The following NT5C2 variants were observed in gnomAD, a reference collection of about 807,000 sequenced individuals.
NT5C2 encodes cytosolic purine 5'-nucleotidase.
A neutral mutation model predicts 76.1 loss-of-function variants in NT5C2; 58 were observed. The ratio of observed to expected loss-of-function variants is 0.76; its 90% CI spans 0.62 to 0.95. The LOEUF is 0.95. Among genes scored for constraint, NT5C2 ranks in the 40% least tolerant of loss-of-function variants. The probability of loss-of-function intolerance (pLI) is 0.00; values close to 1 mark genes in which losing one functional copy is unlikely to be tolerated. For missense variants in NT5C2, 478 were observed against 690.3 expected (o/e 0.69, Z 3.45); for synonymous variants, 229 against 237.4 (o/e 0.96, Z 0.32).
At chr10:103,144,249 C>G (rs1227531377) in intron 3 of NT5C2, among the ~76,000 whole-genome samples, 1 of 152,148 alleles carries the variant, frequency 6.6e-6, no homozygotes, top group Non-Finnish European at 1.5e-5. Context: ...CTAAAATATT[C>G]TATGGGAATA....
At chr10:103,188,616 T>C (rs1026177400) in intron 1 of NT5C2, among the ~76,000 whole-genome samples, 6 of 152,168 alleles carry the variant, frequency 3.9e-5, no homozygotes, top group African/African-American at 1.2e-4. Context: ...TAGAAACAGA[T>C]TTATGGGTCC....
intron 8 of NT5C2, chr10:103,100,527 A>G (rs912843202): frequency 1.6e-5 from 6 of 370,594 alleles, no homozygotes; most frequent in Non-Finnish European, 3.2e-5. Flanking sequence ...CTAAACTTTC[A>G]GTATTGGCTA....
At chr10:103,093,026 G>T in intron 15 of NT5C2, 113 bp downstream of exon 15, 1 of 789,218 alleles carries the variant, frequency 1.3e-6, no homozygotes, top group Non-Finnish European at 1.9e-6. Flanking sequence ...ATCAAGGCCT[G>T]CCTTTTGACC....
chr10:103,135,670 C>A (rs191292642), intron 4 of NT5C2, among the ~76,000 whole-genome samples: 106 of 152,206 alleles, frequency 7.0e-4, no homozygotes, highest in Admixed American at 3.4e-3. Flanking sequence ...CACCTGTAAT[C>A]CCAGCTACTC....
In NT5C2 at chr10:103,090,604, A is replaced by G. The variant is rs1455614593; in HGVS notation, c.1449+7T>C. 3 of 1,611,068 alleles carry G rather than the reference A, an allele frequency of 1.9e-6. No individual in the cohort carries two copies. The highest frequency in any genetic ancestry group is 2.5e-6 in the Non-Finnish European group (3 of 1,178,448). On this transcript the variant is annotated splice_region_variant and intron_variant, in intron 18 of 18. Transcript: ENST00000404739. ...CATCTTGGCTGTCCATTACAGCTTTAACTCACCAAGACATGGGCAGCCCTG... is the reference window on the plus strand; with the variant it reads ...CATCTTGGCTGTCCATTACAGCTTTGACTCACCAAGACATGGGCAGCCCTG...
intron 4 of NT5C2, among the ~76,000 whole-genome samples, chr10:103,133,013 C>CA (rs1463251243): frequency 6.6e-6 from 1 of 152,190 alleles, no homozygotes; most frequent in African/African-American, 2.4e-5. Context: ...GCTATGTCCC[C>CA]ACCCAAATGT....
intron 1 of NT5C2, among the ~76,000 whole-genome samples, chr10:103,189,736 T>C (rs1379521455): frequency 1.3e-5 from 2 of 151,434 alleles, no homozygotes; most frequent in African/African-American, 4.8e-5. Flanking sequence ...TGGCACGATA[T>C]AGGCTCACTG....
At chr10:103,169,006 T>G (rs981884940) in intron 3 of NT5C2, among the ~76,000 whole-genome samples, 7 of 136,594 alleles carry the variant, frequency 5.1e-5, no homozygotes, top group Non-Finnish European at 1.6e-5. Context: ...TTCTAAATGG[T>G]TTCTATTTAA....
At chr10:103,128,057 C>CTCTCCT (rs2077017347) in intron 4 of NT5C2, among the ~76,000 whole-genome samples, 5 of 69,346 alleles carry the variant, frequency 7.2e-5, no homozygotes, top group Admixed American at 3.6e-4. Context: ...CTCCCTCTCC[C>CTCTCCT]TCTCCCTCTC....
At chr10:103,192,164 A>G (rs1256031172) in intron 1 of NT5C2, among the ~76,000 whole-genome samples, 1 of 152,140 alleles carries the variant, frequency 6.6e-6, no homozygotes, top group African/African-American at 2.4e-5. Context: ...TCCCTTTCAC[A>G]TTATGGTCAG....
intron 4 of NT5C2, among the ~76,000 whole-genome samples, chr10:103,107,102 T>C (rs542634568): frequency 6.6e-6 from 1 of 152,244 alleles, no homozygotes. Flanking sequence ...GAGGTCTATG[T>C]ATGCTGAAGG....
chr10:103,119,907 T>C (rs2075308229), intron 4 of NT5C2, among the ~76,000 whole-genome samples: 1 of 152,062 alleles, frequency 6.6e-6, no homozygotes, highest in African/African-American at 2.4e-5. Context: ...GAGACCAGCC[T>C]GGGCAACATG....
intron 3 of NT5C2, among the ~76,000 whole-genome samples, chr10:103,158,489 C>G (rs546562870): frequency 6.6e-6 from 1 of 151,518 alleles, no homozygotes; most frequent in South Asian, 2.1e-4. Flanking sequence ...CTAGACTGAC[C>G]CAAAAAAAGA....
intron 3 of NT5C2, among the ~76,000 whole-genome samples, chr10:103,142,607 G>A (rs1005017974): frequency 1.5e-4 from 23 of 152,058 alleles, no homozygotes; most frequent in Non-Finnish European, 3.2e-4. Context: ...GGCAGAAGTT[G>A]CAATGAGCCA....
chr10:103,169,914 C>G (rs921747884), intron 3 of NT5C2, among the ~76,000 whole-genome samples: 1 of 152,114 alleles, frequency 6.6e-6, no homozygotes, highest in Non-Finnish European at 1.5e-5. Flanking sequence ...ATCACAAGGT[C>G]AGGAGTTCAA....
At chr10:103,116,390 TAGC>T (rs1339334365) in intron 4 of NT5C2, among the ~76,000 whole-genome samples, 5 of 152,312 alleles carry the variant, frequency 3.3e-5, no homozygotes, top group African/African-American at 4.8e-5. Context: ...ATATTTTAAA[TAGC>T]AGAAGTGTAC....
intron 10 of NT5C2, 53 bp from the exon 11 acceptor site, chr10:103,097,427 C>A (rs1590731996): frequency 4.1e-6 from 6 of 1,447,446 alleles, no homozygotes; most frequent in Non-Finnish European, 5.8e-6. Context: ...TATCTTTACA[C>A]TTTGGAGTTG....
intron 4 of NT5C2, among the ~76,000 whole-genome samples, chr10:103,110,379 C>T (rs527837807): frequency 2.0e-5 from 3 of 152,262 alleles, no homozygotes; most frequent in Admixed American, 1.3e-4. Flanking sequence ...ATGCTTGAAC[C>T]CAGGAGGCGG....
intron 3 of NT5C2, among the ~76,000 whole-genome samples, chr10:103,172,604 G>A (rs143956083): frequency 0.023 from 3,554 of 152,226 alleles, 73 homozygotes; most frequent in Non-Finnish European, 0.031. Flanking sequence ...GGGAGGCTGA[G>A]GCGGGTGGAT....
Sources: allele counts gnomAD v4.1 joint callset (sites outside exome capture counted in the v4.1 genomes callset), GRCh38; gene constraint gnomAD v4.1.1; transcripts MANE v1.5; gene names NCBI Gene and HGNC (gene_info 2026-07-23, HGNC 2026-07-21).